Variants in MBNL2 observed in about 807,000 individuals in gnomAD.
The protein encoded by MBNL2 is muscleblind-like protein 2.
MBNL2 carries 17 observed loss-of-function variants against 41.9 expected under a neutral mutation model. The observed-to-expected ratio is 0.41, with a 90% CI of 0.28 to 0.61. The LOEUF (loss-of-function observed/expected upper bound fraction) is 0.61. Ranked by LOEUF, MBNL2 falls within the 20% of genes least tolerant of loss-of-function variation. MBNL2 has a pLI of 0.35. For missense variants in MBNL2, 336 were observed against 505.6 expected (o/e 0.66, Z 3.22); for synonymous variants, 195 against 182.9 (o/e 1.07, Z -0.53).
the MBNL2 span, among the ~76,000 whole-genome samples, chr13:97,173,921 G>C: frequency 6.6e-6 from 1 of 152,062 alleles, no homozygotes; most frequent in Admixed American, 6.6e-5. Flanking sequence ...GCATTTCCAT[G>C]GAACTCCCTA....
the MBNL2 span, among the ~76,000 whole-genome samples, chr13:97,188,898 T>G: frequency 1.3e-5 from 2 of 152,028 alleles, no homozygotes; most frequent in African/African-American, 4.8e-5. Context: ...GAAAGATCCA[T>G]GCCCTCTGAA....
At chr13:97,384,104 T>C (rs756302318) in intron 8 of MBNL2, among the ~76,000 whole-genome samples, 6 of 152,084 alleles carry the variant, frequency 3.9e-5, no homozygotes, top group Non-Finnish European at 8.8e-5. Context: ...TTCAACCACG[T>C]TGGCCAGGCT....
At position 97,391,446 on chromosome 13, in the gene MBNL2, CTAAA is replaced by C. The variant is rs1352328910; in HGVS notation, c.*2_*5del. 8.5e-7 allele frequency: 1 copy of C among 1,180,620 alleles called. No homozygotes were observed. The highest frequency in any genetic ancestry group is 1.3e-6 in the Non-Finnish European group (1 of 784,538). 73.1% of individuals were successfully genotyped at this position (1,180,620 alleles called of 1,614,324 possible). A position where few individuals can be genotyped will look rare whatever the true frequency, so the allele number is the denominator to read the frequency against. On this transcript the variant is annotated stop_retained_variant and 3_prime_UTR_variant, in exon 9 of 9. Coordinates refer to ENST00000679496, the MANE Select transcript of MBNL2 (RefSeq NM_001382683.1). ...CAATAGAATTGCCACAAACTGCATG[CTAAA>C]TAAAGATGTAGTTCTTCTGGACAGA...
intron 1 of MBNL2, among the ~76,000 whole-genome samples, chr13:97,260,983 G>T (rs1594109843): frequency 6.6e-6 from 1 of 151,844 alleles, no homozygotes; most frequent in Admixed American, 6.6e-5. Flanking sequence ...GCTCTTCGAG[G>T]GTGTTGTCTT....
At chr13:97,344,968 A>G (rs945227217) in intron 4 of MBNL2, among the ~76,000 whole-genome samples, 2 of 152,256 alleles carry the variant, frequency 1.3e-5, no homozygotes, top group Admixed American at 1.3e-4. Context: ...TGATGCTATC[A>G]GACAGAAGTC....
In MBNL2 at chr13:97,334,507, A is replaced by C; in HGVS notation, c.339+67A>C. On this transcript the variant is annotated intron_variant, in intron 3 of 8. Transcript: ENST00000679496. This position sits in a 1 kb window ranked among gnomAD's most constrained non-coding sequence, Gnocchi z 5.3. ...TGTTGGTATGGATGATGCCACGTTGACCTAGGGTGGCCTCTCTCCACTTTG... is the reference window on the plus strand; with the variant it reads ...TGTTGGTATGGATGATGCCACGTTGCCCTAGGGTGGCCTCTCTCCACTTTG... The C allele has an allele frequency of 8.3e-7, 1 of 1,200,436 alleles. No individual in the cohort carries two copies. Among genetic ancestry groups the C allele is most frequent in the South Asian group, 1.8e-5 (1 of 56,270 alleles). 74.4% of individuals were successfully genotyped at this position (1,200,436 alleles called of 1,614,324 possible).
At chr13:97,198,434 T>A in the MBNL2 span, among the ~76,000 whole-genome samples, 2 of 151,106 alleles carry the variant, frequency 1.3e-5, no homozygotes, top group Non-Finnish European at 3.0e-5. Flanking sequence ...GCCAACCACA[T>A]GATCATGGAG....
chr13:97,254,627 T>G (rs2047178857), intron 1 of MBNL2, among the ~76,000 whole-genome samples: 1 of 151,878 alleles, frequency 6.6e-6, no homozygotes, highest in East Asian at 1.9e-4. Context: ...CCCTCCACTG[T>G]TCCCCCCGCC....
intron 1 of MBNL2, among the ~76,000 whole-genome samples, chr13:97,232,534 G>T (rs988276110): frequency 2.0e-5 from 3 of 152,100 alleles, no homozygotes; most frequent in African/African-American, 7.2e-5. Context: ...ACTTGCCAAG[G>T]TTACAGAATA....
chr13:97,193,210 G>A, the MBNL2 span, among the ~76,000 whole-genome samples: 3 of 152,304 alleles, frequency 2.0e-5, no homozygotes, highest in South Asian at 2.1e-4. Flanking sequence ...CAGCAGTTCC[G>A]CTCTCCCCAG....
intron 2 of MBNL2, among the ~76,000 whole-genome samples, chr13:97,323,244 A>C (rs2059650319): frequency 6.6e-6 from 1 of 152,242 alleles, no homozygotes; most frequent in African/African-American, 2.4e-5. Context: ...CAGAAGATGC[A>C]TAATAAGGTT....
chr13:97,212,573 C>T, the MBNL2 span, among the ~76,000 whole-genome samples: 30 of 152,322 alleles, frequency 2.0e-4, no homozygotes, highest in Admixed American at 5.9e-4. Flanking sequence ...AACATGGCCT[C>T]TGAAGCCAGC....
At chr13:97,335,218 G>A (rs1371108784) in intron 3 of MBNL2, among the ~76,000 whole-genome samples, 2 of 152,094 alleles carry the variant, frequency 1.3e-5, no homozygotes, top group Non-Finnish European at 2.9e-5. Flanking sequence ...TATCCTTGGG[G>A]AAAAGGAGTG....
chr13:97,259,953 G>A (rs2048296446), intron 1 of MBNL2, among the ~76,000 whole-genome samples: 1 of 152,166 alleles, frequency 6.6e-6, no homozygotes, highest in African/African-American at 2.4e-5. Flanking sequence ...GTGTTCTAAA[G>A]TTAAATGTTG....
chr13:97,233,144 TATATA>T, intron 1 of MBNL2, among the ~76,000 whole-genome samples: 1 of 82,566 alleles, frequency 1.2e-5, no homozygotes, highest in African/African-American at 4.7e-5. Flanking sequence ...TATATATATA[TATATA>T]TATATATATA....
chr13:97,169,004 A>G, the MBNL2 span, among the ~76,000 whole-genome samples: 1 of 152,080 alleles, frequency 6.6e-6, no homozygotes, highest in Non-Finnish European at 1.5e-5. Flanking sequence ...TGGAGCCTAG[A>G]CCTGCAGCTG....
At chr13:97,310,903 T>C (rs2153021050) in intron 2 of MBNL2, among the ~76,000 whole-genome samples, 1 of 152,152 alleles carries the variant, frequency 6.6e-6, no homozygotes, top group East Asian at 1.9e-4. Flanking sequence ...GCTCTGAGTT[T>C]CCTGGCAGTT....
chr13:97,319,438 G>C (rs2059323713), intron 2 of MBNL2, among the ~76,000 whole-genome samples: 1 of 152,160 alleles, frequency 6.6e-6, no homozygotes, highest in African/African-American at 2.4e-5. Flanking sequence ...GTGGTCGTGA[G>C]GGTGATAGAA....
chr13:97,237,650 A>G (rs1239276405), intron 1 of MBNL2, among the ~76,000 whole-genome samples: 2 of 152,224 alleles, frequency 1.3e-5, no homozygotes, highest in Non-Finnish European at 2.9e-5. Flanking sequence ...GTGCACCTGA[A>G]AAGCACCCAT....
Sources: allele counts gnomAD v4.1 joint callset (sites outside exome capture counted in the v4.1 genomes callset), GRCh38; gene constraint gnomAD v4.1.1; non-coding constraint Gnocchi (gnomAD v3.1); transcripts MANE v1.5; gene names NCBI Gene and HGNC (gene_info 2026-07-23, HGNC 2026-07-21).